The following ANXA4 variants were observed in gnomAD, a reference collection of about 807,000 sequenced individuals.
ANXA4 encodes annexin A4.
In ANXA4, 39 loss-of-function variants were observed where a neutral mutation model predicts 49.8. That is an observed-to-expected ratio of 0.78 (90% CI 0.61 to 1.02). The LOEUF is 1.02. Among genes scored for constraint, ANXA4 ranks in the 50% least tolerant of loss-of-function variants. The probability of loss-of-function intolerance (pLI) is 0.00; values close to 1 mark genes in which losing one functional copy is unlikely to be tolerated. For synonymous variants in ANXA4, 134 were observed against 152.5 expected, an observed-to-expected ratio of 0.88 and a Z score of 0.89; for missense variants, 360 against 410.1, an observed-to-expected ratio of 0.88 and a Z score of 1.05.
intron 3 of ANXA4, among the ~76,000 whole-genome samples, chr2:69,734,406 A>C (rs1031829346): frequency 6.6e-6 from 1 of 152,380 alleles, no homozygotes; most frequent in Admixed American, 6.5e-5. Context: ...TTAACTGTAG[A>C]ACTAATGATT....
chr2:69,749,514 T>C (rs1402851524), intron 1 of ANXA4, among the ~76,000 whole-genome samples: 2 of 152,218 alleles, frequency 1.3e-5, no homozygotes, highest in African/African-American at 2.4e-5. Flanking sequence ...GGAACATCTA[T>C]GCAGAGTAAT....
intron 5 of ANXA4, among the ~76,000 whole-genome samples, chr2:69,806,881 A>G (rs1187182467): frequency 6.6e-6 from 1 of 152,174 alleles, no homozygotes; most frequent in Non-Finnish European, 1.5e-5. Context: ...CAGGAAAAAT[A>G]ACTAATGGGT....
chr2:69,648,971 C>G (rs1367657591), intron 1 of ANXA4, among the ~76,000 whole-genome samples: 2 of 148,764 alleles, frequency 1.3e-5, no homozygotes, highest in African/African-American at 5.0e-5. Flanking sequence ...CCGCAACCTC[C>G]GCCTCCCAGG....
chr2:69,763,245 G>T (rs1671367547), intron 1 of ANXA4, among the ~76,000 whole-genome samples: 1 of 152,200 alleles, frequency 6.6e-6, no homozygotes, highest in Non-Finnish European at 1.5e-5. Context: ...TGCCCACAGA[G>T]CTGGAACTTG....
chr2:69,690,534 C>T (rs1216956173), intron 2 of ANXA4, among the ~76,000 whole-genome samples: 11 of 152,116 alleles, frequency 7.2e-5, no homozygotes, highest in South Asian at 2.1e-4. Context: ...CCACTGCGCC[C>T]GGCCCAGTCT....
upstream of ANXA4, among the ~76,000 whole-genome samples, chr2:69,740,774 C>G (rs540829984): frequency 6.8e-6 from 1 of 148,100 alleles, no homozygotes; most frequent in Non-Finnish European, 1.5e-5. Flanking sequence ...CTCTGCCTCC[C>G]GGGCTTGGGT....
At position 69,648,497 on chromosome 2, in the gene ANXA4, C is replaced by T. The variant is rs191721261; in HGVS notation, n.481+3592C>T. Among the ~76,000 whole-genome samples the T allele has an allele frequency of 5.5e-3, 842 of 152,226 alleles. 10 individuals are homozygous for T. Among genetic ancestry groups the T allele is most frequent in the African/African-American group, 0.019 (792 of 41,532 alleles). On this transcript the variant is annotated intron_variant and non_coding_transcript_variant, in intron 1 of 3. Transcript: ENST00000418066. ...TTTGAGAACCACTGTTTAGCAGAAG[C>T]GAACTTGTAAGAACCATGTCCTTTT...
chr2:69,792,225 G>A (rs191509853), intron 3 of ANXA4, among the ~76,000 whole-genome samples: 1 of 152,246 alleles, frequency 6.6e-6, no homozygotes, highest in African/African-American at 2.4e-5. Context: ...ATTACCAAAA[G>A]TTTTTGTTTT....
At chr2:69,750,830 G>A (rs1428473779) in intron 1 of ANXA4, among the ~76,000 whole-genome samples, 1 of 152,190 alleles carries the variant, frequency 6.6e-6, no homozygotes. Flanking sequence ...GCTAGGGCAG[G>A]GGCCTTTGTC....
intron 2 of ANXA4, among the ~76,000 whole-genome samples, chr2:69,697,048 G>A (rs369053200): frequency 2.6e-5 from 4 of 152,102 alleles, no homozygotes; most frequent in East Asian, 1.9e-4. Flanking sequence ...CAAGAGAGTC[G>A]CCTGTCCTTT....
intron 1 of ANXA4, among the ~76,000 whole-genome samples, chr2:69,768,064 G>A (rs1671566604): frequency 6.6e-6 from 1 of 152,018 alleles, no homozygotes; most frequent in South Asian, 2.1e-4. Flanking sequence ...TATTCAGCAT[G>A]GTATAATATA....
Position 69,820,777 on chromosome 2 carries a change from C to T in ANXA4, c.862C>T (p.His288Tyr), listed in dbSNP as rs1028349894. The change falls in exon 12 of 13, where the codon CAC (histidine) becomes TAC (tyrosine). Residue 288 changes from histidine to tyrosine, a missense_variant. Coordinates refer to ENST00000394295, the MANE Select transcript of ANXA4 (RefSeq NM_001153.5). ...AEIDMLDIRA[H>Y]FKRLYGKSLY... Reference sequence around the variant, plus strand: ...AATTGACATGTTGGATATCCGGGCACACTTCAAGAGACTCTATGGAAAGTC... The same window carrying T: ...AATTGACATGTTGGATATCCGGGCATACTTCAAGAGACTCTATGGAAAGTC... 6.2e-6 allele frequency: 10 copies of T among 1,613,988 alleles called. No homozygotes were observed. In the Admixed American group the frequency reaches 1.7e-4, roughly 27 times the overall value.
At chr2:69,805,813 A>G (rs1673422470) in intron 4 of ANXA4, among the ~76,000 whole-genome samples, 1 of 152,148 alleles carries the variant, frequency 6.6e-6, no homozygotes, top group Admixed American at 6.5e-5. Context: ...TGTGGGTTAT[A>G]TCTTTTGATA....
Position 69,698,294 on chromosome 2 carries a change from A to T in ANXA4, n.767-22480A>T, listed in dbSNP as rs140791634. Among the ~76,000 whole-genome samples the T allele has an allele frequency of 2.0e-3, 310 of 152,328 alleles. 3 individuals carry two copies. Among genetic ancestry groups the T allele is most frequent in the Middle Eastern group, 0.017 (5 of 292 alleles). ...ACCTTGAGGATTGGGATTTTAACCT[A>T]TGAATTTTGCGGGACACAAACATTC... On this transcript the variant is annotated intron_variant and non_coding_transcript_variant, in intron 2 of 3. Coordinates refer to the ANXA4 transcript ENST00000418066.
intron 1 of ANXA4, among the ~76,000 whole-genome samples, chr2:69,745,829 C>T (rs775865030): frequency 2.0e-5 from 3 of 152,116 alleles, no homozygotes; most frequent in Non-Finnish European, 4.4e-5. Flanking sequence ...CCACGCCCGG[C>T]TGAGAAACTA....
intron 2 of ANXA4, among the ~76,000 whole-genome samples, chr2:69,719,652 T>C (rs1422736382): frequency 6.6e-6 from 1 of 151,972 alleles, no homozygotes; most frequent in Non-Finnish European, 1.5e-5. Context: ...TTGGCTGGGC[T>C]GGTCTCGAAC....
chr2:69,820,701 C>A lies in ANXA4; in HGVS notation c.786C>A (p.Gly262=). The A allele has an allele frequency of 6.2e-7, 1 of 1,613,748 alleles. No homozygotes were observed. The highest frequency in any genetic ancestry group is 1.3e-5 in the African/African-American group (1 of 75,014). The change falls in exon 12 of 13, where the codon GGC becomes GGA. Residue 262 remains glycine, a splice_region_variant and synonymous_variant. Transcript: ENST00000394295. Reference sequence around the variant, plus strand: ...TTGGATTTCGTTTTCTTCCTTAGGGCTTGGGCACCGATGATAACACCCTCA... The same window carrying A: ...TTGGATTTCGTTTTCTTCCTTAGGGATTGGGCACCGATGATAACACCCTCA... ...FAEKLYKSMK[G]LGTDDNTLIR... is the part of the protein sequence containing the mutation.
intron 2 of ANXA4, among the ~76,000 whole-genome samples, chr2:69,707,099 ATATTT>A (rs1184835108): frequency 6.6e-6 from 1 of 152,188 alleles, no homozygotes; most frequent in African/African-American, 2.4e-5. Flanking sequence ...AGCTTAGCCT[ATATTT>A]TATATTTCTT....
intron 3 of ANXA4, among the ~76,000 whole-genome samples, chr2:69,721,742 G>A (rs557287051): frequency 6.6e-6 from 1 of 152,086 alleles, no homozygotes; most frequent in Non-Finnish European, 1.5e-5. Context: ...CAGGTAAGCA[G>A]CTATTTGACT....
Sources: gnomAD v4.1 joint callset for allele counts (sites outside exome capture counted in the v4.1 genomes callset) on GRCh38, gnomAD v4.1.1 for gene constraint, MANE v1.5 for transcripts, NCBI Gene and HGNC (gene_info 2026-07-23, HGNC 2026-07-21) for gene names.